MAP3K4: variants seen among roughly 807,000 people sequenced by gnomAD.
MAP3K4 encodes the protein MAP three kinase 1.
Under a neutral mutation model 185.6 loss-of-function variants are expected in MAP3K4, and 67 were observed. The observed-to-expected ratio is 0.36, with a 90% confidence interval of 0.30 to 0.44. The LOEUF is 0.44. MAP3K4 is among the 20% of genes least tolerant of loss of function. MAP3K4 has a pLI of 1.00. For synonymous variants in MAP3K4, 702 were observed against 710.4 expected, an observed-to-expected ratio of 0.99 and a Z score of 0.19; for missense variants, 1,551 against 1,995.1, an observed-to-expected ratio of 0.78 and a Z score of 4.24.
chr6:161,007,531 G>GGTGT lies in MAP3K4; in HGVS notation c.152+15451_152+15454dup, dbSNP rs1781648119. On this transcript the variant is annotated intron_variant, in intron 1 of 26. Transcript: ENST00000392142. This position sits in a 1 kb window ranked among gnomAD's most constrained non-coding sequence, Gnocchi z 4.5. ...AGTTAAACAGTTGTGTCAAGTGATG[G>GGTGT]GTGTGTAAGTGCCCAACTCATTCTG... Among the ~76,000 whole-genome samples, 1 of 152,052 alleles carries GGTGT rather than the reference G, an allele frequency of 6.6e-6. No homozygotes were observed. Among genetic ancestry groups the GGTGT allele is most frequent in the South Asian group, 2.1e-4 (1 of 4,812 alleles).
chr6:161,009,141 C>T (rs1003220852), intron 1 of MAP3K4, among the ~76,000 whole-genome samples: 2 of 151,952 alleles, frequency 1.3e-5, no homozygotes, highest in African/African-American at 2.4e-5. Context: ...CGCGCCACCA[C>T]GCCCAGCTAA....
intron 1 of MAP3K4, among the ~76,000 whole-genome samples, chr6:161,025,165 C>T (rs927145219): frequency 1.3e-5 from 2 of 152,234 alleles, no homozygotes; most frequent in African/African-American, 4.8e-5. Context: ...GTCTCTGTAA[C>T]ATACCTGGCA....
chr6:161,049,315 G>C lies in MAP3K4; in HGVS notation c.1043G>C (p.Arg348Thr). Reference protein sequence around the residue: ...STHHEHLQRQRVSFEQVKRIM... With the variant: ...STHHEHLQRQTVSFEQVKRIM... ...CATCATGAGCATCTCCAACGCCAGAGGGTCTCATTTGAGCAGGTAAAACGG... is the reference window on the plus strand; with the variant it reads ...CATCATGAGCATCTCCAACGCCAGACGGTCTCATTTGAGCAGGTAAAACGG... Residue 348 changes from arginine (R) to threonine (T), a missense_variant, in exon 3 of 27, where the codon AGG becomes ACG. By Grantham distance (71) the Arg-to-Thr change is moderately conservative (BLOSUM62 -1). Coordinates refer to ENST00000392142, the MANE Select transcript of MAP3K4 (RefSeq NM_005922.4). This position sits in a 1 kb window ranked among gnomAD's most constrained non-coding sequence, Gnocchi z 8.4. The C allele has an allele frequency of 6.2e-7, 1 of 1,614,184 alleles. No individual in the cohort carries two copies. The highest frequency in any genetic ancestry group is 8.5e-7 in the Non-Finnish European group (1 of 1,180,024).
chr6:161,032,662 G>A (rs1782986266), intron 1 of MAP3K4, among the ~76,000 whole-genome samples: 1 of 152,180 alleles, frequency 6.6e-6, no homozygotes, highest in Non-Finnish European at 1.5e-5. Context: ...TTATAGCCAT[G>A]TTCTTTAATC....
In MAP3K4 at chr6:161,054,524, A is replaced by G. The variant is rs1366200077; in HGVS notation, c.1707+4545A>G. ...TTAAAAGAACTGAACTAGCAATACT[A>G]AAAAAAAATCTGTTTGCAGTTTGTT... On this transcript the variant is annotated intron_variant, in intron 3 of 26. Transcript: ENST00000392142. This position sits in a 1 kb window ranked among gnomAD's most constrained non-coding sequence, Gnocchi z 4.2. 2.0e-5 allele frequency among the ~76,000 whole-genome samples: 3 copies of G among 149,320 alleles called. No homozygotes were observed. The highest frequency in any genetic ancestry group is 7.7e-5 in the African/African-American group (3 of 39,068).
intron 15 of MAP3K4, among the ~76,000 whole-genome samples, chr6:161,094,663 TGCTG>T (rs1777491760): frequency 1.3e-5 from 2 of 152,252 alleles, no homozygotes; most frequent in Non-Finnish European, 2.9e-5. Flanking sequence ...ATAGGGTACT[TGCTG>T]GCTGCAGAAA....
intron 5 of MAP3K4, among the ~76,000 whole-genome samples, chr6:161,079,491 C>T (rs1031059614): frequency 4.6e-5 from 7 of 152,232 alleles, no homozygotes; most frequent in East Asian, 3.9e-4. Flanking sequence ...GCAGGAGAAT[C>T]GCTTGAACCC....
intron 3 of MAP3K4, among the ~76,000 whole-genome samples, chr6:161,065,578 T>C (rs550101804): frequency 6.6e-6 from 1 of 152,330 alleles, no homozygotes; most frequent in East Asian, 1.9e-4. Flanking sequence ...CCTATACAGA[T>C]TGAAAATCCC....
In MAP3K4 at chr6:161,067,987, G is replaced by A. The variant is rs1784782175; in HGVS notation, c.1708-2621G>A. On this transcript the variant is annotated intron_variant, in intron 3 of 26. Transcript: ENST00000392142. This position sits in a 1 kb window ranked among gnomAD's most constrained non-coding sequence, Gnocchi z 6.3. The stretch of plus-strand genomic sequence containing the variant: ...GTTAACAAGGTTGATGACATCATAT[G>A]TTCCATTCTTTAGTGTTAGATTGTT... 6.6e-6 allele frequency among the ~76,000 whole-genome samples: 1 copy of A among 152,324 alleles called. No individual in the cohort carries two copies. Among genetic ancestry groups the A allele is most frequent in the East Asian group, 1.9e-4 (1 of 5,186 alleles).
In MAP3K4 at chr6:161,097,248, A is replaced by ATTT; in HGVS notation, c.3524+72_3524+73insTTT. On this transcript the variant is annotated intron_variant, in intron 16 of 26. Transcript: ENST00000392142. This position sits in a 1 kb window ranked among gnomAD's most constrained non-coding sequence, Gnocchi z 4.9. ...TATGCATGCTCATACTTTTGAAACT[A>ATTT]CTAGATGCTTGCTCTGAGAGCTAAA... The ATTT allele has an allele frequency of 1.0e-5, 13 of 1,259,450 alleles. 1 individual carries two copies. The highest frequency in any genetic ancestry group is 6.2e-5 in the South Asian group (5 of 80,526). 78.0% of individuals were successfully genotyped at this position (1,259,450 alleles called of 1,614,324 possible). A position where few individuals can be genotyped will look rare whatever the true frequency, so the allele number is the denominator to read the frequency against.
rs1396972992 is a variant in MAP3K4, at chr6:161,097,296, C to G, written c.3524+120C>G. On this transcript the variant is annotated intron_variant, in intron 16 of 26. Coordinates refer to ENST00000392142, the MANE Select transcript of MAP3K4 (RefSeq NM_005922.4). The surrounding 1 kb of genome is among the most constrained non-coding windows in gnomAD (Gnocchi z 4.9). ...AAATACCTTTTCTGCATTGTTCGTA[C>G]GTAAAAGCTCTTACTTGCATTATCT... 3 of 750,890 alleles carry G rather than the reference C, an allele frequency of 4.0e-6. No homozygotes were observed. Among genetic ancestry groups the G allele is most frequent in the Admixed American group, 2.6e-5 (1 of 38,404 alleles). 46.5% of individuals were successfully genotyped at this position (750,890 alleles called of 1,614,324 possible). A position where few individuals can be genotyped will look rare whatever the true frequency, so the allele number is the denominator to read the frequency against.
intron 4 of MAP3K4, among the ~76,000 whole-genome samples, chr6:161,072,914 AT>A (rs773193749): frequency 6.6e-5 from 10 of 151,620 alleles, no homozygotes; most frequent in Non-Finnish European, 1.2e-4. Flanking sequence ...TTTTCTGTTG[AT>A]TTTTATCTAA....
In MAP3K4 at chr6:161,092,001, T is replaced by C. The variant is rs1026506421; in HGVS notation, c.3136-9T>C. Reference sequence around the variant, plus strand: ...CCTTAATGTTGATATACATGAAATCTTCTTACAGTATCATAAAGAAGTTGT... The same window carrying C: ...CCTTAATGTTGATATACATGAAATCCTCTTACAGTATCATAAAGAAGTTGT... On this transcript the variant is annotated splice_polypyrimidine_tract_variant and intron_variant, in intron 12 of 26. Coordinates refer to ENST00000392142, the MANE Select transcript of MAP3K4 (RefSeq NM_005922.4). The C allele has an allele frequency of 1.6e-5, 25 of 1,606,552 alleles. 1 individual carries two copies. In the Middle Eastern group the frequency reaches 1.6e-3, roughly 106 times the overall value.
In MAP3K4 at chr6:161,051,646, T is replaced by G. The variant is rs1349287805; in HGVS notation, c.1707+1667T>G. 6.6e-6 allele frequency among the ~76,000 whole-genome samples: 1 copy of G among 152,188 alleles called. No individual in the cohort carries two copies. The highest frequency in any genetic ancestry group is 2.4e-5 in the African/African-American group (1 of 41,450). On this transcript the variant is annotated intron_variant, in intron 3 of 26. Coordinates refer to ENST00000392142, the MANE Select transcript of MAP3K4 (RefSeq NM_005922.4). The surrounding 1 kb of genome is among the most constrained non-coding windows in gnomAD (Gnocchi z 4.2). Reference sequence around the variant, plus strand: ...GGCAGTACCAACATCCCTTGGTATCTCATCCCAGGGGGATTTGTTCCAGGA... The same window carrying G: ...GGCAGTACCAACATCCCTTGGTATCGCATCCCAGGGGGATTTGTTCCAGGA...
At position 161,080,710 on chromosome 6, in the gene MAP3K4, A is replaced by G. The variant is rs1050265271; in HGVS notation, c.2098-171A>G. 3.4e-6 allele frequency: 2 copies of G among 585,046 alleles called. No homozygotes were observed. The highest frequency in any genetic ancestry group is 3.8e-5 in the African/African-American group (2 of 52,894). The allele number at this position is 585,046 out of a possible 1,614,324, so 36.2% of individuals were successfully genotyped here. A position where few individuals can be genotyped will look rare whatever the true frequency, so the allele number is the denominator to read the frequency against. On this transcript the variant is annotated intron_variant, in intron 5 of 26. Coordinates refer to ENST00000392142, the MANE Select transcript of MAP3K4 (RefSeq NM_005922.4). The surrounding 1 kb of genome is among the most constrained non-coding windows in gnomAD (Gnocchi z 4.8). ...TTTTGTGATTTTTTAAAAAATCCTCATTTAGACCTCAGCTAACAGTGGTGA... is the reference window on the plus strand; with the variant it reads ...TTTTGTGATTTTTTAAAAAATCCTCGTTTAGACCTCAGCTAACAGTGGTGA...
At chr6:161,015,218 G>A (rs1488505872) in intron 1 of MAP3K4, among the ~76,000 whole-genome samples, 2 of 151,704 alleles carry the variant, frequency 1.3e-5, no homozygotes, top group African/African-American at 2.4e-5. Flanking sequence ...ACACAGGAAC[G>A]GAAAACCAAA....
In MAP3K4 at chr6:161,107,840, G is replaced by T. The variant is rs1778156783; in HGVS notation, c.4049-59G>T. The T allele has an allele frequency of 8.8e-7, 1 of 1,130,830 alleles. No individual in the cohort carries two copies. Among genetic ancestry groups the T allele is most frequent in the Admixed American group, 1.8e-5 (1 of 54,370 alleles). 70.0% of individuals were successfully genotyped at this position (1,130,830 alleles called of 1,614,324 possible). A position where few individuals can be genotyped will look rare whatever the true frequency, so the allele number is the denominator to read the frequency against. ...TTGGACAGTATTATTACAAGTTTAA[G>T]GAATGTAAGACAGCCCCCTGCAGTG... is the stretch of plus-strand genomic sequence containing the variant. On this transcript the variant is annotated intron_variant, in intron 20 of 26. Coordinates refer to ENST00000392142, the MANE Select transcript of MAP3K4 (RefSeq NM_005922.4). The surrounding 1 kb of genome is among the most constrained non-coding windows in gnomAD (Gnocchi z 6.2).
chr6:161,090,014 T>C (rs568884043), intron 11 of MAP3K4, among the ~76,000 whole-genome samples: 103 of 152,372 alleles, frequency 6.8e-4, no homozygotes, highest in African/African-American at 2.4e-3. Flanking sequence ...GTATCCCATG[T>C]ATCAGTCTTG....
At chr6:161,094,135 C>G (rs1270194781) in intron 15 of MAP3K4, among the ~76,000 whole-genome samples, 1 of 152,184 alleles carries the variant, frequency 6.6e-6, no homozygotes, top group Non-Finnish European at 1.5e-5. Flanking sequence ...TTTTTTCCCC[C>G]TTACCATCTT....
Sources: allele counts gnomAD v4.1 joint callset (sites outside exome capture counted in the v4.1 genomes callset), GRCh38; gene constraint gnomAD v4.1.1; non-coding constraint Gnocchi (gnomAD v3.1); transcripts MANE v1.5; gene names NCBI Gene and HGNC (gene_info 2026-07-23, HGNC 2026-07-21).